The following CTNNA3 variants were observed in gnomAD, a reference collection of about 807,000 sequenced individuals.
CTNNA3 encodes catenin alpha 3, also known as catenin alpha-3.
In CTNNA3, 76 loss-of-function variants were observed where a neutral mutation model predicts 95.7. The ratio of observed to expected loss-of-function variants is 0.79; its 90% CI spans 0.66 to 0.96. The LOEUF (loss-of-function observed/expected upper bound fraction) is 0.96. Among genes scored for constraint, CTNNA3 ranks in the 40% least tolerant of loss-of-function variants. CTNNA3 has a pLI of 0.00. For synonymous variants in CTNNA3, 431 were observed against 374.4 expected (o/e 1.15, Z -1.74); for missense variants, 1,191 against 1,089.8 (o/e 1.09, Z -1.31).
At chr10:65,926,060 TA>T (rs1269785431) in intron 17 of CTNNA3, among the ~76,000 whole-genome samples, 1 of 149,874 alleles carries the variant, frequency 6.7e-6, no homozygotes, top group Non-Finnish European at 1.5e-5. Flanking sequence ...TAATAGATAC[TA>T]AATATATAAT....
intron 5 of CTNNA3, among the ~76,000 whole-genome samples, chr10:67,380,645 T>C (rs1202661064): frequency 6.6e-6 from 1 of 152,224 alleles, no homozygotes; most frequent in Non-Finnish European, 1.5e-5. Context: ...TATGCACAGA[T>C]GCTTCCACAT....
intron 12 of CTNNA3, among the ~76,000 whole-genome samples, chr10:66,299,901 T>C (rs2132224660): frequency 6.6e-6 from 1 of 152,252 alleles, no homozygotes; most frequent in East Asian, 1.9e-4. Context: ...GAAATTTTTT[T>C]TCTTTTTTTG....
intron 11 of CTNNA3, among the ~76,000 whole-genome samples, chr10:66,409,306 C>T (rs999710679): frequency 6.6e-6 from 1 of 152,038 alleles, no homozygotes; most frequent in African/African-American, 2.4e-5. Context: ...AACTTTGCTT[C>T]ATGTTTTTGG....
rs138959104 is a variant in CTNNA3 at position 67,179,884 on chromosome 10, C to T, written c.1047+433G>A. ...ACAACCTGCATGGGCTCTTTACACG[C>T]CTTCAAACATAGCTCATGATCCCTG... On this transcript the variant is annotated intron_variant, in intron 7 of 17. Transcript: ENST00000433211. 1.2e-3 allele frequency among the ~76,000 whole-genome samples: 188 copies of T among 152,126 alleles called. 2 individuals are homozygous for T. The highest frequency in any genetic ancestry group is 4.4e-3 in the African/African-American group (182 of 41,518).
At chr10:66,338,187 G>A (rs931614712) in intron 12 of CTNNA3, among the ~76,000 whole-genome samples, 13 of 151,966 alleles carry the variant, frequency 8.6e-5, no homozygotes, top group Admixed American at 2.0e-4. Context: ...CTAAGTGAGA[G>A]ACGCCAGTCA....
intron 10 of CTNNA3, among the ~76,000 whole-genome samples, chr10:66,589,236 A>G (rs2132223645): frequency 6.6e-6 from 1 of 151,790 alleles, no homozygotes; most frequent in Admixed American, 6.6e-5. Context: ...AGAGAGGGGG[A>G]TCAAGGAGAA....
intron 7 of CTNNA3, among the ~76,000 whole-genome samples, chr10:66,820,620 T>C (rs137957383): frequency 2.9e-4 from 43 of 145,932 alleles, no homozygotes; most frequent in African/African-American, 1.0e-3. Context: ...TATGGTAACA[T>C]ACTCCAAAAA....
intron 7 of CTNNA3, among the ~76,000 whole-genome samples, chr10:66,863,265 G>T (rs1004698128): frequency 6.6e-6 from 1 of 150,938 alleles, no homozygotes; most frequent in Admixed American, 6.6e-5. Context: ...CATCCTATTA[G>T]TTCTGTTTCT....
intron 13 of CTNNA3, among the ~76,000 whole-genome samples, chr10:66,205,759 TATA>T (rs1368793503): frequency 6.6e-6 from 1 of 152,126 alleles, no homozygotes; most frequent in Non-Finnish European, 1.5e-5. Flanking sequence ...CGATCTGACT[TATA>T]ATAATATAAA....
intron 3 of CTNNA3, among the ~76,000 whole-genome samples, chr10:67,555,312 C>G (rs557597063): frequency 7.2e-5 from 11 of 152,188 alleles, no homozygotes; most frequent in South Asian, 2.1e-4. Context: ...TAGCTTGATG[C>G]AGATGGCATT....
At chr10:66,244,625 T>G (rs2090235284) in intron 13 of CTNNA3, among the ~76,000 whole-genome samples, 1 of 152,206 alleles carries the variant, frequency 6.6e-6, no homozygotes, top group Admixed American at 6.5e-5. Context: ...CTTCTGGATC[T>G]TATCCAAGAC....
At chr10:66,538,382 G>T (rs919421471) in intron 10 of CTNNA3, among the ~76,000 whole-genome samples, 1 of 152,132 alleles carries the variant, frequency 6.6e-6, no homozygotes, top group Non-Finnish European at 1.5e-5. Flanking sequence ...TTTTTCTGGG[G>T]AAGATATATT....
chr10:67,173,775 A>G (rs1862117650), intron 7 of CTNNA3, among the ~76,000 whole-genome samples: 1 of 152,230 alleles, frequency 6.6e-6, no homozygotes, highest in South Asian at 2.1e-4. Context: ...GTAAAGTTTA[A>G]TGTTAAAAAA....
At chr10:66,717,446 A>G (rs1275572098) in intron 9 of CTNNA3, among the ~76,000 whole-genome samples, 1 of 152,166 alleles carries the variant, frequency 6.6e-6, no homozygotes, top group African/African-American at 2.4e-5. Context: ...TCTGTCTCCT[A>G]TTCTAGACTG....
chr10:67,603,333 T>C (rs987817825), intron 3 of CTNNA3, among the ~76,000 whole-genome samples: 2 of 152,252 alleles, frequency 1.3e-5, no homozygotes, highest in Middle Eastern at 3.4e-3. Flanking sequence ...CATAGGAATA[T>C]AGTAGAGTCG....
intron 13 of CTNNA3, among the ~76,000 whole-genome samples, chr10:66,278,958 T>G (rs558837529): frequency 6.6e-6 from 1 of 151,462 alleles, no homozygotes; most frequent in East Asian, 1.9e-4. Flanking sequence ...TAAAGTTTCT[T>G]GCTGCCCAGA....
At chr10:66,660,064 C>A (rs970848832) in intron 9 of CTNNA3, among the ~76,000 whole-genome samples, 5 of 151,966 alleles carry the variant, frequency 3.3e-5, no homozygotes, top group Non-Finnish European at 7.4e-5. Context: ...TTAAAAGATC[C>A]TTCTGCCTTA....
chr10:67,273,196 T>C (rs1469211652), intron 5 of CTNNA3, among the ~76,000 whole-genome samples: 1 of 152,008 alleles, frequency 6.6e-6, no homozygotes, highest in African/African-American at 2.4e-5. Flanking sequence ...GAGAAATGAC[T>C]AAAACCATAT....
rs532758134 is a variant in CTNNA3 at position 66,562,054 on chromosome 10, G to T, written c.1375-41281C>A. ...TTAGAAGTTCAATGAATAGAACTAG[G>T]AGTCAGAAATTACTATGAAAACCTA... is the stretch of plus-strand genomic sequence containing the variant. On this transcript the variant is annotated intron_variant, in intron 10 of 17. Transcript: ENST00000433211. Among the ~76,000 whole-genome samples the T allele has an allele frequency of 2.0e-5, 3 of 152,080 alleles. No individual in the cohort carries two copies. The South Asian group carries it at 6.2e-4, about 32-fold the overall frequency.
Sources: gnomAD v4.1 joint callset for allele counts (sites outside exome capture counted in the v4.1 genomes callset) on GRCh38, gnomAD v4.1.1 for gene constraint, MANE v1.5 for transcripts, NCBI Gene and HGNC (gene_info 2026-07-23, HGNC 2026-07-21) for gene names.